MLIP: variants seen among roughly 807,000 people sequenced by gnomAD.
MLIP encodes the protein muscular LMNA-interacting protein.
A neutral mutation model predicts 84.8 loss-of-function variants in MLIP; 79 were observed. That is an observed-to-expected ratio of 0.93 (90% CI 0.78 to 1.12). The LOEUF is 1.12. Ranked by LOEUF, MLIP falls within the 50% of genes most tolerant of loss-of-function variation. The pLI is 0.00. For missense variants in MLIP, 1,257 were observed against 1,160.6 expected (o/e 1.08, Z -1.21); for synonymous variants, 504 against 463.0 (o/e 1.09, Z -1.14).
At chr6:54,135,425 G>A (rs1313130322) in intron 3 of MLIP, among the ~76,000 whole-genome samples, 1 of 152,086 alleles carries the variant, frequency 6.6e-6, no homozygotes, top group Non-Finnish European at 1.5e-5. Context: ...GGAAGTTTGG[G>A]ATGAGTGTTT....
rs1040816832 is a variant in MLIP, at chr6:54,137,883, C to A, written c.1814C>A (p.Ser605Tyr). ...CCTATTAATCAAAGAGCTACGTTCT[C>A]TTCTTCAGAGAAATGTTTCCATCCT... The part of the protein sequence containing the change: ...SPPINQRATF[S>Y]SSEKCFHPSP... The change falls in exon 4 of 14, where the codon TCT becomes TAT. Residue 605 changes from serine (S) to tyrosine (Y), a missense_variant. Physicochemically the swap from Ser to Tyr is moderately radical, Grantham distance 144. Coordinates refer to ENST00000502396, the MANE Select transcript of MLIP (RefSeq NM_001281747.2). 2 of 1,536,130 alleles carry A rather than the reference C, an allele frequency of 1.3e-6. No homozygotes were observed. Among genetic ancestry groups the A allele is most frequent in the South Asian group, 2.4e-5 (2 of 84,060 alleles).
chr6:54,251,350 C>T lies in MLIP; in HGVS notation c.2923-5958C>T, dbSNP rs548118090. ...GAAATTTACAAGATTTCCTGGGTTC[C>T]TCTAGCACATTGTGATATGTTGTAA... On this transcript the variant is annotated intron_variant, in intron 12 of 13. Transcript: ENST00000502396. Among the ~76,000 whole-genome samples the T allele has an allele frequency of 2.7e-5, 4 of 148,062 alleles. No individual in the cohort carries two copies. The South Asian group carries it at 6.3e-4, about 23-fold the overall frequency.
chr6:54,168,554 G>A (rs1171767561), intron 8 of MLIP, among the ~76,000 whole-genome samples: 1 of 151,426 alleles, frequency 6.6e-6, no homozygotes. Flanking sequence ...GGACATCTTT[G>A]TCTCTTCTGT....
At chr6:54,092,081 C>T (rs1037468450) in intron 1 of MLIP, among the ~76,000 whole-genome samples, 1 of 151,986 alleles carries the variant, frequency 6.6e-6, no homozygotes, top group Non-Finnish European at 1.5e-5. Flanking sequence ...ATTAAATATC[C>T]AAGAGAGAGG....
chr6:54,246,348 T>A (rs1177019727), intron 12 of MLIP, among the ~76,000 whole-genome samples: 3 of 152,162 alleles, frequency 2.0e-5, no homozygotes, highest in Non-Finnish European at 4.4e-5. Flanking sequence ...ATAGTCATAT[T>A]TTCTGGTTCA....
intron 5 of MLIP, among the ~76,000 whole-genome samples, chr6:54,153,530 C>T (rs979856893): frequency 6.6e-6 from 1 of 151,928 alleles, no homozygotes; most frequent in Non-Finnish European, 1.5e-5. Flanking sequence ...AAGATATTTC[C>T]TTAGGTGAGA....
Position 54,202,112 on chromosome 6 carries a change from C to T in MLIP, c.2597C>T (p.Pro866Leu). The T allele has an allele frequency of 6.3e-7, 1 of 1,581,914 alleles. No homozygotes were observed. Among genetic ancestry groups the T allele is most frequent in the South Asian group, 1.2e-5 (1 of 84,864 alleles). ...TATTTTACATTCATGAAGACTAAGC[C>T]TGGAGTAATTCGCCCAGTACCTGTA... ...STVSESQLTK[P>L]GVIRPVPVKS... The change falls in exon 11 of 14, where the codon CCT (proline) becomes CTT (leucine). Residue 866 changes from proline to leucine, a missense_variant. Transcript: ENST00000502396.
intron 2 of MLIP, among the ~76,000 whole-genome samples, chr6:54,122,601 T>C (rs1015242069): frequency 6.6e-6 from 1 of 152,208 alleles, no homozygotes; most frequent in Non-Finnish European, 1.5e-5. Context: ...AAAATAGTAA[T>C]ATTTCCATGA....
At chr6:54,205,122 C>G (rs1340000956) in intron 11 of MLIP, among the ~76,000 whole-genome samples, 1 of 152,150 alleles carries the variant, frequency 6.6e-6, no homozygotes, top group Non-Finnish European at 1.5e-5. Flanking sequence ...CTCATTGTGT[C>G]CAGAATCTAC....
intron 11 of MLIP, chr6:54,216,544 T>C: frequency 3.0e-6 from 3 of 984,950 alleles, no homozygotes; most frequent in Non-Finnish European, 3.6e-6. Flanking sequence ...CAGACAACCA[T>C]ACACTTTAAG....
chr6:54,266,029 AAC>A lies in MLIP; in HGVS notation c.*75_*76del. ...CTGGTGCTAACCACTTGCTAGATTT[AAC>A]TTTTTTTTTTTTTTCCAGAATGAGT... On this transcript the variant is annotated 3_prime_UTR_variant, in exon 14 of 14. Coordinates refer to ENST00000502396, the MANE Select transcript of MLIP (RefSeq NM_001281747.2). The A allele has an allele frequency of 1.3e-6, 2 of 1,492,126 alleles. No homozygotes were observed. The highest frequency in any genetic ancestry group is 1.9e-5 in the Admixed American group (1 of 52,402). The allele number at this position is 1,492,126 out of a possible 1,614,324, so 92.4% of individuals were successfully genotyped here. A position where few individuals can be genotyped will look rare whatever the true frequency, so the allele number is the denominator to read the frequency against.
intron 1 of MLIP, among the ~76,000 whole-genome samples, chr6:54,105,036 C>T (rs1186969071): frequency 2.0e-5 from 3 of 152,160 alleles, no homozygotes; most frequent in African/African-American, 7.2e-5. Context: ...CGTTGGATAA[C>T]GCTGATCTAG....
intron 11 of MLIP, among the ~76,000 whole-genome samples, chr6:54,208,115 G>A (rs1779167576): frequency 1.3e-5 from 2 of 151,886 alleles, no homozygotes; most frequent in East Asian, 1.9e-4. Context: ...GCAACAGAGC[G>A]AGACTCCATC....
intron 1 of MLIP, among the ~76,000 whole-genome samples, chr6:54,088,519 C>T (rs1000110342): frequency 3.9e-5 from 6 of 152,138 alleles, no homozygotes; most frequent in Admixed American, 1.3e-4. Flanking sequence ...CTTTTAATTA[C>T]AGAGGGGTCA....
intron 8 of MLIP, among the ~76,000 whole-genome samples, chr6:54,165,050 T>G (rs904299477): frequency 6.6e-6 from 1 of 151,996 alleles, no homozygotes. Context: ...TATGTTTCCA[T>G]GGAAACTCAA....
chr6:54,158,582 GA>G (rs920593745), intron 5 of MLIP, among the ~76,000 whole-genome samples: 2 of 151,886 alleles, frequency 1.3e-5, no homozygotes, highest in African/African-American at 4.8e-5. Flanking sequence ...ACCTATAATC[GA>G]TGATCAATTT....
At chr6:54,193,900 C>A (rs1948112544) in intron 10 of MLIP, among the ~76,000 whole-genome samples, 1 of 152,082 alleles carries the variant, frequency 6.6e-6, no homozygotes, top group Non-Finnish European at 1.5e-5. Context: ...TAAGATAACA[C>A]ACAAGTTAGG....
intron 4 of MLIP, among the ~76,000 whole-genome samples, chr6:54,139,501 G>T (rs1772109263): frequency 6.6e-6 from 1 of 152,162 alleles, no homozygotes; most frequent in South Asian, 2.1e-4. Context: ...GTCTGTGTGT[G>T]GAGACATAAG....
At chr6:54,216,622 G>A (rs145864779) in intron 11 of MLIP, 1,353 of 971,658 alleles carry the variant, frequency 1.4e-3, no homozygotes, top group Non-Finnish European at 1.5e-3. Context: ...TTTATATAGA[G>A]GATTTCAAAT....
Sources: allele counts gnomAD v4.1 joint callset (sites outside exome capture counted in the v4.1 genomes callset), GRCh38; gene constraint gnomAD v4.1.1; transcripts MANE v1.5; gene names NCBI Gene and HGNC (gene_info 2026-07-23, HGNC 2026-07-21).